SPOCK1: variants seen among roughly 807,000 people sequenced by gnomAD.
The protein encoded by SPOCK1 is testican-1.
SPOCK1 carries 23 observed loss-of-function variants against 55.3 expected under a neutral mutation model. The observed-to-expected ratio is 0.42, with a 90% CI of 0.30 to 0.59. The LOEUF (loss-of-function observed/expected upper bound fraction) is 0.59. SPOCK1 is among the 20% of genes least tolerant of loss of function. The pLI is 0.22. For missense variants in SPOCK1, 499 were observed against 552.5 expected, an observed-to-expected ratio of 0.90 and a Z score of 0.97; for synonymous variants, 226 against 221.0, an observed-to-expected ratio of 1.02 and a Z score of -0.20.
At chr5:137,378,923 G>C (rs762028469) in intron 2 of SPOCK1, among the ~76,000 whole-genome samples, 2 of 152,194 alleles carry the variant, frequency 1.3e-5, no homozygotes, top group African/African-American at 2.4e-5. Flanking sequence ...TAGCCATGGA[G>C]CCAGACGTAG....
At chr5:137,152,435 C>G (rs1461206805) in intron 3 of SPOCK1, among the ~76,000 whole-genome samples, 1 of 152,206 alleles carries the variant, frequency 6.6e-6, no homozygotes, top group Non-Finnish European at 1.5e-5. Context: ...ACATGGAAGA[C>G]AGTTGCAACA....
chr5:137,060,110 A>G (rs966466592), intron 6 of SPOCK1, among the ~76,000 whole-genome samples: 5 of 152,242 alleles, frequency 3.3e-5, no homozygotes, highest in Middle Eastern at 3.2e-3. Flanking sequence ...ATTTACCCAA[A>G]GGAATATAAA....
chr5:137,024,235 C>T (rs951664773), intron 6 of SPOCK1, among the ~76,000 whole-genome samples: 14 of 141,762 alleles, frequency 9.9e-5, no homozygotes, highest in African/African-American at 1.8e-4. Context: ...CCGAGGGTGA[C>T]GGGTGTAATT....
chr5:137,024,358 A>G (rs7703899), intron 6 of SPOCK1, among the ~76,000 whole-genome samples: 23,330 of 148,970 alleles, frequency 0.16, 2,658 homozygotes, highest in East Asian at 0.31. Context: ...TTTGTTAAAT[A>G]CAACACTGAT....
intron 2 of SPOCK1, among the ~76,000 whole-genome samples, chr5:137,353,231 A>G (rs563787933): frequency 6.6e-6 from 1 of 152,130 alleles, no homozygotes; most frequent in Non-Finnish European, 1.5e-5. Flanking sequence ...AAATACAAAA[A>G]TTAGCTGGGT....
chr5:137,214,563 C>G (rs1755678686), intron 3 of SPOCK1, among the ~76,000 whole-genome samples: 2 of 152,154 alleles, frequency 1.3e-5, no homozygotes, highest in Non-Finnish European at 2.9e-5. Context: ...TGTCAGATGA[C>G]TGATTGAATA....
intron 4 of SPOCK1, among the ~76,000 whole-genome samples, chr5:137,121,409 T>C (rs17170986): frequency 0.017 from 2,639 of 152,056 alleles, 101 homozygotes; most frequent in African/African-American, 0.061. Context: ...TATTTAAATA[T>C]GCCAGGAGCA....
chr5:137,100,962 C>A (rs190283779), intron 5 of SPOCK1, among the ~76,000 whole-genome samples: 1 of 152,186 alleles, frequency 6.6e-6, no homozygotes, highest in East Asian at 1.9e-4. Flanking sequence ...GGCAACAACT[C>A]ATGGTAAGTC....
intron 2 of SPOCK1, among the ~76,000 whole-genome samples, chr5:137,496,768 G>A (rs1246845493): frequency 3.9e-5 from 6 of 152,172 alleles, no homozygotes; most frequent in Admixed American, 2.6e-4. Flanking sequence ...AGCAGGTCAG[G>A]AATGGGGCAA....
intron 6 of SPOCK1, among the ~76,000 whole-genome samples, chr5:137,038,996 A>G (rs1751937955): frequency 6.6e-6 from 1 of 152,166 alleles, no homozygotes; most frequent in Non-Finnish European, 1.5e-5. Context: ...ATGTTGTTAC[A>G]CAGACCTTCC....
At chr5:137,288,855 C>T (rs1170301108) in intron 2 of SPOCK1, among the ~76,000 whole-genome samples, 1 of 152,206 alleles carries the variant, frequency 6.6e-6, no homozygotes, top group Non-Finnish European at 1.5e-5. Context: ...TGATTTATTT[C>T]TGTGATGGAG....
At chr5:137,240,173 G>A (rs1454589198) in intron 3 of SPOCK1, among the ~76,000 whole-genome samples, 1 of 152,164 alleles carries the variant, frequency 6.6e-6, no homozygotes, top group Admixed American at 6.5e-5. Flanking sequence ...GAACAAATCA[G>A]AAGACATACC....
At chr5:137,039,304 T>TTTTGA (rs1751947783) in intron 6 of SPOCK1, among the ~76,000 whole-genome samples, 1 of 137,278 alleles carries the variant, frequency 7.3e-6, no homozygotes, top group African/African-American at 2.6e-5. Flanking sequence ...TTTTTGTTGT[T>TTTTGA]GCAACGGGGA....
intron 3 of SPOCK1, among the ~76,000 whole-genome samples, chr5:137,160,322 A>ATATATATAT (rs1754501335): frequency 7.7e-6 from 1 of 130,122 alleles, no homozygotes; most frequent in African/African-American, 2.7e-5. Flanking sequence ...GTATTCCATA[A>ATATATATAT]TATATATATT....
chr5:137,308,795 A>T (rs1204896733), intron 2 of SPOCK1, among the ~76,000 whole-genome samples: 1 of 152,182 alleles, frequency 6.6e-6, no homozygotes, highest in Admixed American at 6.5e-5. Flanking sequence ...CAACCATCCT[A>T]TGGAGTACTC....
chr5:137,037,798 T>A (rs760872781), intron 6 of SPOCK1, among the ~76,000 whole-genome samples: 5 of 152,162 alleles, frequency 3.3e-5, no homozygotes, highest in Non-Finnish European at 7.4e-5. Flanking sequence ...TTACCCCTGA[T>A]GTTTGAGGCT....
At chr5:136,984,521 G>A (rs1407740516) in intron 9 of SPOCK1, among the ~76,000 whole-genome samples, 3 of 152,158 alleles carry the variant, frequency 2.0e-5, no homozygotes, top group African/African-American at 4.8e-5. Flanking sequence ...CTTCCTCCAC[G>A]TGCTGGAGAA....
intron 6 of SPOCK1, among the ~76,000 whole-genome samples, chr5:137,029,708 T>C (rs1751741172): frequency 6.6e-6 from 1 of 152,224 alleles, no homozygotes; most frequent in Non-Finnish European, 1.5e-5. Context: ...GAAAGGGTAC[T>C]AGAGGGCTAG....
At chr5:137,183,012 G>GA (rs1754997884) in intron 3 of SPOCK1, among the ~76,000 whole-genome samples, 1 of 152,154 alleles carries the variant, frequency 6.6e-6, no homozygotes, top group African/African-American at 2.4e-5. Context: ...TTCTCTATCT[G>GA]AATGGCAATA....
Sources: allele counts gnomAD v4.1 joint callset (sites outside exome capture counted in the v4.1 genomes callset), GRCh38; gene constraint gnomAD v4.1.1; transcripts MANE v1.5; gene names NCBI Gene and HGNC (gene_info 2026-07-23, HGNC 2026-07-21).